The following SERPINB5 variants were observed in gnomAD, a reference collection of about 807,000 sequenced individuals.
SERPINB5 encodes serpin family B member 5, also known as serpin B5.
A neutral mutation model predicts 32.2 loss-of-function variants in SERPINB5; 27 were observed. The ratio of observed to expected loss-of-function variants is 0.84; its 90% CI spans 0.62 to 1.16. The LOEUF (loss-of-function observed/expected upper bound fraction) is 1.16. SERPINB5 is among the 50% of genes most tolerant of loss of function. The pLI, the probability that SERPINB5 is intolerant of heterozygous loss-of-function variation, is 0.00. For missense variants in SERPINB5, 388 were observed against 436.3 expected, an observed-to-expected ratio of 0.89 and a Z score of 0.99; for synonymous variants, 154 against 157.4, an observed-to-expected ratio of 0.98 and a Z score of 0.16.
chr18:63,498,598 CAT>C lies in SERPINB5; in HGVS notation c.568-521_568-520del, dbSNP rs1909499562. On this transcript the variant is annotated intron_variant, in intron 5 of 6. Coordinates refer to ENST00000382771, the MANE Select transcript of SERPINB5 (RefSeq NM_002639.5). The surrounding 1 kb of genome is among the most constrained non-coding windows in gnomAD (Gnocchi z 4.2). The stretch of plus-strand genomic sequence containing the variant: ...TATATATACTTCATGTAATGTGTAA[CAT>C]GTAGATTATAAAGTATATGAATAAC... Among the ~76,000 whole-genome samples the C allele has an allele frequency of 6.6e-6, 1 of 151,990 alleles. No homozygotes were observed. The highest frequency in any genetic ancestry group is 2.4e-5 in the African/African-American group (1 of 41,352).
intron 6 of SERPINB5, among the ~76,000 whole-genome samples, chr18:63,502,810 G>A (rs1331298852): frequency 6.6e-6 from 1 of 152,092 alleles, no homozygotes; most frequent in East Asian, 1.9e-4. Flanking sequence ...CTTGAAGCCA[G>A]GAGTTTGAGA....
At chr18:63,484,747 T>TTTTTTTTTTTG (rs1917179745) in intron 2 of SERPINB5, 151 bp downstream of exon 2, 1 of 496,824 alleles carries the variant, frequency 2.0e-6, no homozygotes, top group Non-Finnish European at 3.2e-6. Flanking sequence ...TAATCTTTTT[T>TTTTTTTTTTTG]TTTTTTTTTT....
chr18:63,503,253 CT>C, intron 6 of SERPINB5, 76 bp from the exon 7 acceptor site: 1 of 1,468,554 alleles, frequency 6.8e-7, no homozygotes, highest in Non-Finnish European at 9.1e-7. Context: ...ATCATAACAC[CT>C]TATGTTTTCA....
intron 4 of SERPINB5, among the ~76,000 whole-genome samples, chr18:63,492,184 T>G (rs1282246332): frequency 6.6e-6 from 1 of 152,202 alleles, no homozygotes; most frequent in East Asian, 1.9e-4. Flanking sequence ...CCTTGAATTG[T>G]TTTGGCTATT....
chr18:63,487,158 CT>C (rs1384371464), intron 3 of SERPINB5, 75 bp downstream of exon 3: 2 of 1,412,356 alleles, frequency 1.4e-6, no homozygotes, highest in Non-Finnish European at 1.9e-6. Context: ...AGACCTACAA[CT>C]TTTTTTCAGT....
In SERPINB5 at chr18:63,503,536, C is replaced by T. The variant is rs769883939; in HGVS notation, c.942C>T (p.Ala314=). The part of the protein sequence containing the change: ...FSGMSETKGV[A]LSNVIHKVCL... ...GAATGTCAGAGACCAAGGGAGTGGC[C>T]CTATCAAATGTTATCCACAAAGTGT... Residue 314 remains alanine (A), a synonymous_variant, in exon 7 of 7, where the codon GCC becomes GCT. Transcript: ENST00000382771. 2 of 1,614,136 alleles carry T rather than the reference C, an allele frequency of 1.2e-6. No homozygotes were observed. Among genetic ancestry groups the T allele is most frequent in the African/African-American group, 1.3e-5 (1 of 75,032 alleles).
chr18:63,489,205 A>G, intron 3 of SERPINB5, 142 bp from the exon 4 acceptor site: 1 of 459,560 alleles, frequency 2.2e-6, no homozygotes. Flanking sequence ...TGACTTCTAC[A>G]TGAGGTTTCA....
intron 4 of SERPINB5, among the ~76,000 whole-genome samples, chr18:63,491,316 C>T (rs1909328548): frequency 6.8e-6 from 1 of 146,210 alleles, no homozygotes; most frequent in Non-Finnish European, 1.5e-5. Context: ...GCAGGATAAT[C>T]GCTTGAACCT....
At chr18:63,490,952 G>T (rs1909320459) in intron 4 of SERPINB5, among the ~76,000 whole-genome samples, 1 of 152,122 alleles carries the variant, frequency 6.6e-6, no homozygotes, top group Non-Finnish European at 1.5e-5. Flanking sequence ...TGTGTGCAAT[G>T]TGTAGTCTTC....
At chr18:63,490,998 C>A (rs1909321669) in intron 4 of SERPINB5, among the ~76,000 whole-genome samples, 1 of 152,200 alleles carries the variant, frequency 6.6e-6, no homozygotes, top group Non-Finnish European at 1.5e-5. Flanking sequence ...CCCCACCCCA[C>A]AAAGTCCATT....
chr18:63,489,294 C>A, intron 3 of SERPINB5, 53 bp from the exon 4 acceptor site: 2 of 996,368 alleles, frequency 2.0e-6, no homozygotes, highest in Non-Finnish European at 1.6e-6. Context: ...AAGAGAATAA[C>A]AATGCAATAG....
At position 63,493,009 on chromosome 18, in the gene SERPINB5, G is replaced by A; in HGVS notation, c.481G>A (p.Val161Met). The change falls in exon 5 of 7, where the codon GTG becomes ATG. Residue 161 changes from valine to methionine, a missense_variant. Transcript: ENST00000382771. ...NSVNDQTKIL[V>M]VNAAYFVGKW... Reference sequence around the variant, plus strand: ...TGTGAACGACCAGACCAAAATCCTTGTGGTTAATGCTGCCTACTTTGTTGG... The same window carrying A: ...TGTGAACGACCAGACCAAAATCCTTATGGTTAATGCTGCCTACTTTGTTGG... 1 of 1,614,194 alleles carries A rather than the reference G, an allele frequency of 6.2e-7. No individual in the cohort carries two copies.
chr18:63,499,305 G>A lies in SERPINB5; in HGVS notation c.735+18G>A. ...TGGAGAAGGTAAGGAGAAGGCAGGT[G>A]CTCTCCACAAAGGCACCCCCTGCCT... On this transcript the variant is annotated intron_variant, in intron 6 of 6. Transcript: ENST00000382771. 2.6e-6 allele frequency: 4 copies of A among 1,522,738 alleles called. No homozygotes were observed. The highest frequency in any genetic ancestry group is 3.5e-6 in the Non-Finnish European group (4 of 1,130,992). The allele number at this position is 1,522,738 out of a possible 1,614,324, so 94.3% of individuals were successfully genotyped here. A position where few individuals can be genotyped will look rare whatever the true frequency, so the allele number is the denominator to read the frequency against.
chr18:63,477,637 G>A (rs1178501367), intron 1 of SERPINB5, among the ~76,000 whole-genome samples: 2 of 152,008 alleles, frequency 1.3e-5, no homozygotes. Flanking sequence ...CAGTTTTCTG[G>A]GTTTCAGCAT....
At chr18:63,484,655 G>T in intron 2 of SERPINB5, 59 bp downstream of exon 2, 1 of 1,498,476 alleles carries the variant, frequency 6.7e-7, no homozygotes, top group Non-Finnish European at 9.0e-7. Context: ...GAACCCATAG[G>T]CAGTGCCTAC....
intron 5 of SERPINB5, among the ~76,000 whole-genome samples, chr18:63,495,777 G>A (rs1313526944): frequency 6.6e-6 from 1 of 152,184 alleles, no homozygotes; most frequent in African/African-American, 2.4e-5. Flanking sequence ...ATTAATAAAA[G>A]TTTGAAATGT....
intron 5 of SERPINB5, chr18:63,496,965 G>A: frequency 4.2e-6 from 2 of 475,586 alleles, no homozygotes; most frequent in Admixed American, 2.2e-5. Flanking sequence ...AGAGACCAAG[G>A]GCTAAAGTTG....
At chr18:63,483,001 A>G (rs745533608) in intron 1 of SERPINB5, among the ~76,000 whole-genome samples, 17 of 152,116 alleles carry the variant, frequency 1.1e-4, no homozygotes, top group Non-Finnish European at 1.6e-4. Context: ...TGTCTATTAG[A>G]GATTGAGAAT....
rs1319387636 is a variant in SERPINB5 at position 63,484,679 on chromosome 18, G to A, written c.168+83G>A. The A allele has an allele frequency of 1.2e-5, 15 of 1,232,152 alleles. No individual in the cohort carries two copies. The Admixed American group carries it at 2.2e-4, about 18-fold the overall frequency. The allele number at this position is 1,232,152 out of a possible 1,614,324, so 76.3% of individuals were successfully genotyped here. The stretch of plus-strand genomic sequence containing the variant: ...GGCAGTGCCTACGGAAAAAAGGAAT[G>A]TAGACTTTGTGGCCAGAATTGGTCA... On this transcript the variant is annotated intron_variant, in intron 2 of 6. Coordinates refer to ENST00000382771, the MANE Select transcript of SERPINB5 (RefSeq NM_002639.5).
Sources: allele counts gnomAD v4.1 joint callset (sites outside exome capture counted in the v4.1 genomes callset), GRCh38; gene constraint gnomAD v4.1.1; non-coding constraint Gnocchi (gnomAD v3.1); transcripts MANE v1.5; gene names NCBI Gene and HGNC (gene_info 2026-07-23, HGNC 2026-07-21).